RBFOX1: variants seen among roughly 807,000 people sequenced by gnomAD.
The protein encoded by RBFOX1 is RNA binding fox-1 homolog 1, also known as RNA binding protein fox-1 homolog 1.
Under a neutral mutation model 57.7 loss-of-function variants are expected in RBFOX1, and 8 were observed. The ratio of observed to expected loss-of-function variants is 0.14; its 90% CI spans 0.08 to 0.25. The LOEUF is 0.25. Ranked by LOEUF, RBFOX1 falls within the 10% of genes least tolerant of loss-of-function variation. RBFOX1 has a pLI of 1.00. For synonymous variants in RBFOX1, 326 were observed against 222.4 expected, an observed-to-expected ratio of 1.47 and a Z score of -4.15; for missense variants, 611 against 548.5, an observed-to-expected ratio of 1.11 and a Z score of -1.14.
At chr16:7,326,144 T>C (rs777557093) in intron 4 of RBFOX1, among the ~76,000 whole-genome samples, 6 of 152,176 alleles carry the variant, frequency 3.9e-5, no homozygotes, top group East Asian at 1.9e-4. Context: ...CAAATACTTA[T>C]TGAGCAACTA....
chr16:5,422,814 A>G (rs1596994202), intron 1 of RBFOX1, among the ~76,000 whole-genome samples: 4 of 107,644 alleles, frequency 3.7e-5, no homozygotes, highest in Admixed American at 9.8e-5. Context: ...GAGGAGGAGG[A>G]GGGAGTGGGA....
At chr16:7,669,569 T>C (rs929177903) in intron 13 of RBFOX1, among the ~76,000 whole-genome samples, 6 of 152,202 alleles carry the variant, frequency 3.9e-5, no homozygotes, top group Admixed American at 6.5e-5. Flanking sequence ...CTAGCAAATA[T>C]GTCTTGAGAT....
At chr16:7,411,746 T>G (rs1197087770) in intron 4 of RBFOX1, among the ~76,000 whole-genome samples, 2 of 151,706 alleles carry the variant, frequency 1.3e-5, no homozygotes, top group African/African-American at 4.8e-5. Flanking sequence ...TCTATTAAAA[T>G]GCAAAAATTA....
intron 1 of RBFOX1, among the ~76,000 whole-genome samples, chr16:6,220,986 G>A (rs934326371): frequency 6.6e-6 from 1 of 152,030 alleles, no homozygotes; most frequent in Non-Finnish European, 1.5e-5. Flanking sequence ...GTGTGTGTGT[G>A]TGTAGCTATA....
intron 2 of RBFOX1, among the ~76,000 whole-genome samples, chr16:6,404,211 T>G (rs2093189573): frequency 6.6e-6 from 1 of 152,190 alleles, no homozygotes; most frequent in South Asian, 2.1e-4. Context: ...GTATAAAAAT[T>G]TATTTGCATA....
chr16:6,140,716 C>A (rs1257227702), intron 1 of RBFOX1, among the ~76,000 whole-genome samples: 1 of 152,206 alleles, frequency 6.6e-6, no homozygotes, highest in African/African-American at 2.4e-5. Flanking sequence ...AATCCCATTC[C>A]TTCTAGTAGA....
At chr16:5,952,585 C>G (rs1022638627) in intron 4 of RBFOX1, among the ~76,000 whole-genome samples, 1 of 152,180 alleles carries the variant, frequency 6.6e-6, no homozygotes, top group Admixed American at 6.5e-5. Context: ...CCATGCCCAG[C>G]CTATGTATAT....
intron 14 of RBFOX1, among the ~76,000 whole-genome samples, chr16:7,683,095 A>G (rs2075285699): frequency 1.2e-5 from 1 of 82,116 alleles, no homozygotes. Flanking sequence ...AGGATAACTA[A>G]GATAATTCTA....
chr16:7,157,070 A>G (rs2077300406), intron 4 of RBFOX1, among the ~76,000 whole-genome samples: 1 of 152,166 alleles, frequency 6.6e-6, no homozygotes, highest in South Asian at 2.1e-4. Flanking sequence ...ATTATACTTG[A>G]TTATGCTACT....
At chr16:7,392,853 TG>T (rs138516491) in intron 4 of RBFOX1, among the ~76,000 whole-genome samples, 2,146 of 115,522 alleles carry the variant, frequency 0.019, 23 homozygotes, top group East Asian at 0.094. Flanking sequence ...TGGTTTGGTT[TG>T]GTTTGTTTGT....
chr16:6,771,364 C>G (rs139241131), intron 3 of RBFOX1, among the ~76,000 whole-genome samples: 64 of 152,268 alleles, frequency 4.2e-4, no homozygotes, highest in African/African-American at 1.5e-3. Flanking sequence ...AGATATGATG[C>G]AGATAGTACA....
At chr16:6,769,086 C>G (rs568081817) in intron 3 of RBFOX1, among the ~76,000 whole-genome samples, 2 of 152,260 alleles carry the variant, frequency 1.3e-5, no homozygotes, top group South Asian at 4.1e-4. Flanking sequence ...CCACCCAAAT[C>G]TCATCTTGAA....
chr16:6,256,235 GTATATATATATGTATATATA>G (rs1567788505), intron 1 of RBFOX1, among the ~76,000 whole-genome samples: 3,205 of 72,840 alleles, frequency 0.044, 166 homozygotes, highest in African/African-American at 0.12. Flanking sequence ...ATATATATGT[GTATATATATATGTATATATA>G]TGTGTATATA....
intron 3 of RBFOX1, among the ~76,000 whole-genome samples, chr16:6,755,542 T>C (rs17141281): frequency 0.012 from 1,867 of 152,302 alleles, 39 homozygotes; most frequent in African/African-American, 0.043. Context: ...ACCTGAAATA[T>C]TTGCTACAGT....
chr16:5,848,451 A>G (rs1413281858), intron 3 of RBFOX1, among the ~76,000 whole-genome samples: 6 of 152,234 alleles, frequency 3.9e-5, no homozygotes, highest in African/African-American at 1.4e-4. Flanking sequence ...AAACACACAA[A>G]TATGATTCCA....
At position 7,186,178 on chromosome 16, in the gene RBFOX1, G is replaced by T. The variant is rs1163416965; in HGVS notation, c.27+134080G>T. Among the ~76,000 whole-genome samples, 2 of 149,402 alleles carry T rather than the reference G, an allele frequency of 1.3e-5. 1 individual carries two copies. Among genetic ancestry groups the T allele is most frequent in the East Asian group, 3.9e-4 (2 of 5,134 alleles). ...TACTTATCTCTAATGACATAAATAT[G>T]TATATAAATATACATAAATATAAAT... On this transcript the variant is annotated intron_variant, in intron 4 of 15. Transcript: ENST00000550418.
intron 4 of RBFOX1, among the ~76,000 whole-genome samples, chr16:5,951,235 A>T (rs763257713): frequency 6.6e-6 from 1 of 152,102 alleles, no homozygotes; most frequent in African/African-American, 2.4e-5. Flanking sequence ...ATCACTTGAG[A>T]TCAGGAGTTT....
At chr16:5,437,775 A>G (rs1399616042) in intron 1 of RBFOX1, among the ~76,000 whole-genome samples, 1 of 152,150 alleles carries the variant, frequency 6.6e-6, no homozygotes, top group Non-Finnish European at 1.5e-5. Context: ...TTATTCCGTT[A>G]TTTCTTATAC....
At chr16:7,241,475 C>T (rs1483032241) in intron 4 of RBFOX1, among the ~76,000 whole-genome samples, 1 of 152,122 alleles carries the variant, frequency 6.6e-6, no homozygotes, top group Non-Finnish European at 1.5e-5. Context: ...TTCAAGATGA[C>T]TAAAATGTTT....
Sources: gnomAD v4.1 joint callset for allele counts (sites outside exome capture counted in the v4.1 genomes callset) on GRCh38, gnomAD v4.1.1 for gene constraint, MANE v1.5 for transcripts, NCBI Gene and HGNC (gene_info 2026-07-23, HGNC 2026-07-21) for gene names.